The following LEPR variants were observed in gnomAD, a reference collection of about 807,000 sequenced individuals.
LEPR encodes the protein leptin receptor, also known as OB receptor.
In LEPR, 56 loss-of-function variants were observed where a neutral mutation model predicts 114.7. That is an observed-to-expected ratio of 0.49 (90% CI 0.39 to 0.61). LEPR has a LOEUF of 0.61. Among genes scored for constraint, LEPR ranks in the 20% least tolerant of loss-of-function variants. LEPR has a pLI of 0.00. For missense variants in LEPR, 1,202 were observed against 1,352.9 expected, an observed-to-expected ratio of 0.89 and a Z score of 1.75; for synonymous variants, 443 against 461.4, an observed-to-expected ratio of 0.96 and a Z score of 0.51.
intron 2 of LEPR, chr1:65,434,030 GT>G: frequency 1.0e-6 from 1 of 985,318 alleles, no homozygotes; most frequent in Non-Finnish European, 1.2e-6. Flanking sequence ...TTGCAAAAGT[GT>G]TTTTGTTGCT....
chr1:65,466,346 A>G lies in LEPR; in HGVS notation c.-21+40968A>G, dbSNP rs540532186. On this transcript the variant is annotated intron_variant, in intron 2 of 19. Coordinates refer to ENST00000349533, the MANE Select transcript of LEPR (RefSeq NM_002303.6). ...ATGCTTTTCTTTAAGAAGGTTGAAT[A>G]TTGGCCCCCACTCTCTTTTGGCTTG... 1.1e-4 allele frequency among the ~76,000 whole-genome samples: 16 copies of G among 152,262 alleles called. No individual in the cohort carries two copies. In the East Asian group the frequency reaches 2.9e-3, roughly 28 times the overall value.
intron 19 of LEPR, chr1:65,634,240 C>G: frequency 1.0e-6 from 1 of 962,714 alleles, no homozygotes; most frequent in Non-Finnish European, 1.2e-6. Flanking sequence ...ATATGGATCC[C>G]TTATATTTAG....
At chr1:65,536,645 AAATC>A (rs1432569539) in intron 2 of LEPR, among the ~76,000 whole-genome samples, 1 of 152,202 alleles carries the variant, frequency 6.6e-6, no homozygotes, top group Non-Finnish European at 1.5e-5. Flanking sequence ...AGGAAAGTAT[AAATC>A]AAAGATTTCG....
At chr1:65,626,478 G>A (rs1438032813) in intron 19 of LEPR, 13 of 197,490 alleles carry the variant, frequency 6.6e-5, no homozygotes, top group East Asian at 3.7e-4. Flanking sequence ...CTGACCAGGC[G>A]CATAAATAAC....
intron 5 of LEPR, among the ~76,000 whole-genome samples, chr1:65,581,784 A>G (rs768882433): frequency 6.6e-6 from 1 of 152,208 alleles, no homozygotes; most frequent in Non-Finnish European, 1.5e-5. Context: ...AAACCAAGAG[A>G]CATCCGCAAC....
At chr1:65,627,408 C>T (rs980947960) in intron 19 of LEPR, among the ~76,000 whole-genome samples, 2 of 151,968 alleles carry the variant, frequency 1.3e-5, no homozygotes, top group African/African-American at 4.8e-5. Flanking sequence ...TAGGGAAACA[C>T]AAATAAAAAC....
intron 19 of LEPR, among the ~76,000 whole-genome samples, chr1:65,624,473 G>A (rs1052388999): frequency 6.6e-6 from 1 of 152,014 alleles, no homozygotes; most frequent in Non-Finnish European, 1.5e-5. Flanking sequence ...CTATAGCAGT[G>A]GCTTCTTTTT....
chr1:65,528,311 T>C (rs993728786), intron 2 of LEPR, among the ~76,000 whole-genome samples: 3 of 152,206 alleles, frequency 2.0e-5, no homozygotes, highest in Non-Finnish European at 4.4e-5. Context: ...CTTTATGTGA[T>C]TTACAAATTC....
At chr1:65,475,770 C>G (rs1647151522) in intron 2 of LEPR, among the ~76,000 whole-genome samples, 1 of 151,978 alleles carries the variant, frequency 6.6e-6, no homozygotes, top group African/African-American at 2.4e-5. Context: ...AATCCCAGCA[C>G]TTTGGGAGGC....
At chr1:65,421,197 TG>T in intron 1 of LEPR, 1 of 891,256 alleles carries the variant, frequency 1.1e-6, no homozygotes, top group Non-Finnish European at 1.6e-6. Context: ...TTTTTCCAAC[TG>T]GGCAGAGTTG....
chr1:65,596,399 T>G (rs1233700549), intron 6 of LEPR, 49 bp from the exon 7 acceptor site: 2 of 1,602,690 alleles, frequency 1.2e-6, no homozygotes, highest in Middle Eastern at 1.7e-4. Context: ...CAGCTATAAT[T>G]GTCATGAAAA....
At chr1:65,451,921 T>C (rs1646791352) in intron 2 of LEPR, among the ~76,000 whole-genome samples, 1 of 151,734 alleles carries the variant, frequency 6.6e-6, no homozygotes, top group Non-Finnish European at 1.5e-5. Flanking sequence ...CATGGAATGT[T>C]CTTCCATTTG....
At chr1:65,478,547 C>T (rs115756771) in intron 2 of LEPR, among the ~76,000 whole-genome samples, 198 of 152,260 alleles carry the variant, frequency 1.3e-3, no homozygotes, top group African/African-American at 4.2e-3. Flanking sequence ...ATACACATTC[C>T]TATGCTTGCT....
chr1:65,464,726 A>G (rs1646987935), intron 2 of LEPR, among the ~76,000 whole-genome samples: 1 of 152,140 alleles, frequency 6.6e-6, no homozygotes, highest in South Asian at 2.1e-4. Flanking sequence ...CTATTCAGAG[A>G]TTCAACTTCT....
chr1:65,519,800 C>G (rs1245305477), intron 2 of LEPR, among the ~76,000 whole-genome samples: 1 of 151,882 alleles, frequency 6.6e-6, no homozygotes, highest in African/African-American at 2.4e-5. Flanking sequence ...TCCCAAATAG[C>G]TAAAATTACA....
At chr1:65,568,289 T>C (rs1005555880) in intron 3 of LEPR, among the ~76,000 whole-genome samples, 3 of 152,154 alleles carry the variant, frequency 2.0e-5, no homozygotes, top group Non-Finnish European at 4.4e-5. Flanking sequence ...GTTACAAGTA[T>C]GGTTTTGTTA....
intron 17 of LEPR, among the ~76,000 whole-genome samples, chr1:65,620,725 C>G (rs1657829048): frequency 1.3e-5 from 2 of 152,082 alleles, no homozygotes; most frequent in Non-Finnish European, 2.9e-5. Context: ...GCAACATGAA[C>G]TACAGGAGGT....
intron 2 of LEPR, among the ~76,000 whole-genome samples, chr1:65,517,644 T>C (rs761144359): frequency 3.9e-5 from 6 of 152,240 alleles, no homozygotes; most frequent in Admixed American, 2.0e-4. Flanking sequence ...GCTCTGAAGT[T>C]GTAGCTTTGA....
chr1:65,623,331 C>T (rs1657999186), intron 19 of LEPR: 1 of 166,560 alleles, frequency 6.0e-6, no homozygotes. Context: ...AGGCAAAAGG[C>T]TGGAATCAAT....
Sources: gnomAD v4.1 joint callset for allele counts (sites outside exome capture counted in the v4.1 genomes callset) on GRCh38, gnomAD v4.1.1 for gene constraint, MANE v1.5 for transcripts, NCBI Gene and HGNC (gene_info 2026-07-23, HGNC 2026-07-21) for gene names.